Variants in PRKG1 observed in about 807,000 individuals in gnomAD.
PRKG1 encodes protein kinase cGMP-dependent 1, also known as cGMP-dependent protein kinase 1.
PRKG1 carries 35 observed loss-of-function variants against 88.1 expected under a neutral mutation model. That is an observed-to-expected ratio of 0.40 (90% confidence interval 0.30 to 0.53). The LOEUF (loss-of-function observed/expected upper bound fraction) is 0.53, where lower values mean the gene tolerates loss of function less well. PRKG1 is among the 20% of genes least tolerant of loss of function. The pLI is 0.59. For missense variants in PRKG1, 540 were observed against 839.8 expected (o/e 0.64, Z 4.41); for synonymous variants, 303 against 292.5 (o/e 1.04, Z -0.37).
intron 2 of PRKG1, among the ~76,000 whole-genome samples, chr10:51,266,906 A>G (rs1450212747): frequency 6.7e-6 from 1 of 150,066 alleles, no homozygotes; most frequent in Admixed American, 6.6e-5. Flanking sequence ...TTATAGGCCA[A>G]TATCTGCCAG....
intron 9 of PRKG1, among the ~76,000 whole-genome samples, chr10:52,222,053 T>C (rs1840257993): frequency 6.6e-6 from 1 of 152,162 alleles, no homozygotes; most frequent in Non-Finnish European, 1.5e-5. Flanking sequence ...CACCAGCTGC[T>C]CCTCCTTCTC....
chr10:51,091,051 G>T (rs933810746), intron 1 of PRKG1, among the ~76,000 whole-genome samples: 1 of 152,100 alleles, frequency 6.6e-6, no homozygotes, highest in Non-Finnish European at 1.5e-5. Context: ...GTGGATAAAA[G>T]CAATGATAAC....
chr10:52,048,962 C>G (rs1348407612), intron 5 of PRKG1, among the ~76,000 whole-genome samples: 1 of 152,050 alleles, frequency 6.6e-6, no homozygotes. Context: ...ATGAATATAG[C>G]ATAAGACCTC....
intron 7 of PRKG1, among the ~76,000 whole-genome samples, chr10:52,069,860 T>G (rs774013399): frequency 1.4e-4 from 21 of 152,152 alleles, no homozygotes; most frequent in Non-Finnish European, 2.8e-4. Flanking sequence ...GGTCAATATA[T>G]TATTTTTTTC....
chr10:51,176,982 T>C (rs917673396), intron 2 of PRKG1, among the ~76,000 whole-genome samples: 2 of 151,966 alleles, frequency 1.3e-5, no homozygotes, highest in Non-Finnish European at 2.9e-5. Context: ...GTCATTTTTT[T>C]AAGAGTGAAG....
chr10:51,578,986 T>C lies in PRKG1; in HGVS notation c.592+111150T>C, dbSNP rs1463783687. 3.3e-4 allele frequency among the ~76,000 whole-genome samples: 44 copies of C among 133,704 alleles called. 1 individual carries two copies. The highest frequency in any genetic ancestry group is 1.2e-3 in the African/African-American group (42 of 35,400). The allele number at this position is 133,704 out of a possible 152,430, so 87.7% of individuals were successfully genotyped here. On this transcript the variant is annotated intron_variant, in intron 3 of 17. Coordinates refer to ENST00000373980, the MANE Select transcript of PRKG1 (RefSeq NM_006258.4). ...TTTGGAATAAGTTCTGTTGGTTTTT[T>C]TTTTTTTTTTTTTTTTTTTTTTAGA... is the stretch of plus-strand genomic sequence containing the variant.
intron 9 of PRKG1, among the ~76,000 whole-genome samples, chr10:52,246,777 G>A (rs2132391079): frequency 6.6e-6 from 1 of 150,880 alleles, no homozygotes; most frequent in East Asian, 2.0e-4. Context: ...TCAGGAGGCT[G>A]AGGCAGGAGA....
chr10:51,050,011 C>G (rs1427210809), intron 1 of PRKG1, among the ~76,000 whole-genome samples: 1 of 152,002 alleles, frequency 6.6e-6, no homozygotes, highest in African/African-American at 2.4e-5. Context: ...TCATTAAATT[C>G]AGGTCAATGG....
At chr10:51,205,407 G>A (rs377580325) in intron 2 of PRKG1, among the ~76,000 whole-genome samples, 15 of 151,628 alleles carry the variant, frequency 9.9e-5, no homozygotes, top group Middle Eastern at 3.4e-3. Context: ...ACAGTGCTGG[G>A]ATTACATGTG....
intron 9 of PRKG1, among the ~76,000 whole-genome samples, chr10:52,222,205 A>G (rs1589711448): frequency 6.6e-6 from 1 of 152,122 alleles, no homozygotes; most frequent in Admixed American, 6.6e-5. Flanking sequence ...AAGCCATCAG[A>G]GTAGTTCACC....
intron 9 of PRKG1, among the ~76,000 whole-genome samples, chr10:52,178,104 A>G (rs1289516220): frequency 6.6e-6 from 1 of 151,184 alleles, no homozygotes; most frequent in Admixed American, 6.6e-5. Flanking sequence ...TATTTGAAAT[A>G]TTTCTAGTTT....
At chr10:51,388,572 G>A (rs1467583059) in intron 2 of PRKG1, among the ~76,000 whole-genome samples, 1 of 152,142 alleles carries the variant, frequency 6.6e-6, no homozygotes, top group African/African-American at 2.4e-5. Context: ...CAGTAAAAGG[G>A]CAACAGTGTT....
chr10:51,508,555 T>TAA (rs201289771), intron 3 of PRKG1, among the ~76,000 whole-genome samples: 6 of 150,134 alleles, frequency 4.0e-5, no homozygotes, highest in Non-Finnish European at 8.9e-5. Context: ...TGACTTTTTT[T>TAA]AAAAAAAAAA....
At chr10:51,508,273 A>G (rs889545633) in intron 3 of PRKG1, among the ~76,000 whole-genome samples, 4 of 152,192 alleles carry the variant, frequency 2.6e-5, no homozygotes, top group African/African-American at 9.6e-5. Flanking sequence ...CACACAATAT[A>G]CCTATTTATC....
chr10:51,041,375 T>G (rs568281030), intron 1 of PRKG1, among the ~76,000 whole-genome samples: 2 of 152,170 alleles, frequency 1.3e-5, no homozygotes, highest in African/African-American at 4.8e-5. Flanking sequence ...TTATCTCTCT[T>G]TTTTCTCAAG....
intron 5 of PRKG1, among the ~76,000 whole-genome samples, chr10:51,921,090 G>A (rs1414873591): frequency 6.6e-6 from 1 of 152,030 alleles, no homozygotes; most frequent in Non-Finnish European, 1.5e-5. Context: ...CATCATTACA[G>A]TATCATACAG....
intron 2 of PRKG1, among the ~76,000 whole-genome samples, chr10:51,270,801 C>CT (rs1254268747): frequency 6.6e-6 from 1 of 152,078 alleles, no homozygotes; most frequent in Non-Finnish European, 1.5e-5. Flanking sequence ...TGTCATGAAA[C>CT]TGAGAAAACC....
intron 3 of PRKG1, among the ~76,000 whole-genome samples, chr10:51,481,689 G>A (rs1029300621): frequency 3.3e-5 from 5 of 151,408 alleles, no homozygotes; most frequent in African/African-American, 1.2e-4. Context: ...TATTTCTCTT[G>A]TGAGAAATCA....
At chr10:51,668,380 A>G (rs578123107) in intron 3 of PRKG1, among the ~76,000 whole-genome samples, 1 of 152,042 alleles carries the variant, frequency 6.6e-6, no homozygotes, top group Admixed American at 6.6e-5. Flanking sequence ...TATAAGCAAA[A>G]CTCAGATTTC....
Sources: gnomAD v4.1 joint callset for allele counts (sites outside exome capture counted in the v4.1 genomes callset) on GRCh38, gnomAD v4.1.1 for gene constraint, MANE v1.5 for transcripts, NCBI Gene and HGNC (gene_info 2026-07-23, HGNC 2026-07-21) for gene names.